TGFBR3: variants seen among roughly 807,000 people sequenced by gnomAD.
The protein encoded by TGFBR3 is transforming growth factor beta receptor type 3.
TGFBR3 carries 46 observed loss-of-function variants against 87.9 expected under a neutral mutation model. That is an observed-to-expected ratio of 0.52 (90% confidence interval 0.41 to 0.67). The LOEUF (loss-of-function observed/expected upper bound fraction) is 0.67, where lower values mean the gene tolerates loss of function less well. TGFBR3 is among the 30% of genes least tolerant of loss of function. TGFBR3 has a pLI of 0.00. For missense variants in TGFBR3, 866 were observed against 1,041.9 expected (o/e 0.83, Z 2.32); for synonymous variants, 381 against 391.6 (o/e 0.97, Z 0.32).
rs774969767 is a variant in TGFBR3, at chr1:91,720,004, C to A, written c.1302G>T (p.Leu434=). 1 of 1,614,180 alleles carries A rather than the reference C, an allele frequency of 6.2e-7. No homozygotes were observed. The highest frequency in any genetic ancestry group is 8.5e-7 in the Non-Finnish European group (1 of 1,180,030). ...PKDPVIPSIQ[L]FPGLREPEEV... is the part of the protein sequence containing the mutation. ...CTTCTGGCTCTCTGAGACCAGGAAA[C>A]AGTTGTATGCTGGGAATGACAGGGT... Residue 434 remains leucine, a synonymous_variant, in exon 9 of 17, where the codon CTG becomes CTT. Coordinates refer to ENST00000212355, the MANE Select transcript of TGFBR3 (RefSeq NM_003243.5).
At position 91,683,045 on chromosome 1, in the gene TGFBR3, A is replaced by G. The variant is rs1472418837; in HGVS notation, c.*694T>C. On this transcript the variant is annotated 3_prime_UTR_variant, in exon 17 of 17. Transcript: ENST00000212355. ...GCATTAAGACATTTTGCAGTGGTGT[A>G]TGCAAGTATGGGAAGAAACAGGAAG... 1 of 454,556 alleles carries G rather than the reference A, an allele frequency of 2.2e-6. No homozygotes were observed. The highest frequency in any genetic ancestry group is 4.4e-6 in the Non-Finnish European group (1 of 226,790). The allele number at this position is 454,556 out of a possible 1,614,324, so 28.2% of individuals were successfully genotyped here.
intron 14 of TGFBR3, among the ~76,000 whole-genome samples, chr1:91,707,497 C>A (rs1474215061): frequency 1.3e-5 from 2 of 152,186 alleles, no homozygotes; most frequent in South Asian, 2.1e-4. Context: ...CCAACATGCT[C>A]AGATCAGGAA....
At chr1:91,778,803 A>T (rs1452853487) in intron 3 of TGFBR3, among the ~76,000 whole-genome samples, 1 of 152,240 alleles carries the variant, frequency 6.6e-6, no homozygotes, top group Non-Finnish European at 1.5e-5. Context: ...GAACATATTT[A>T]AAAATAAATA....
chr1:91,841,467 A>G (rs1677275953), intron 2 of TGFBR3, among the ~76,000 whole-genome samples: 1 of 152,116 alleles, frequency 6.6e-6, no homozygotes, highest in South Asian at 2.1e-4. Flanking sequence ...CTCTTATACA[A>G]TTAGAGCAGT....
chr1:91,902,592 T>A (rs1679750162), intron 1 of TGFBR3, among the ~76,000 whole-genome samples: 1 of 151,968 alleles, frequency 6.6e-6, no homozygotes, highest in Non-Finnish European at 1.5e-5. Context: ...CAAGTGCAGT[T>A]TATTTTTTTT....
At position 91,758,533 on chromosome 1, in the gene TGFBR3, T is replaced by G. The variant is rs1007479649; in HGVS notation, c.384+80A>C. ...GGCATTATTTCAGTGAAAGTAAGCC[T>G]TTATGAAAAGTTTGGCAAAGTTTAA... is the stretch of plus-strand genomic sequence containing the variant. On this transcript the variant is annotated intron_variant, in intron 4 of 16. Transcript: ENST00000212355. The G allele has an allele frequency of 2.9e-5, 44 of 1,527,732 alleles. 1 individual carries two copies. The Admixed American group carries it at 7.0e-4, about 24-fold the overall frequency. The allele number at this position is 1,527,732 out of a possible 1,614,324, so 94.6% of individuals were successfully genotyped here.
At chr1:91,892,460 A>G (rs1237701562) in intron 2 of TGFBR3, among the ~76,000 whole-genome samples, 5 of 152,214 alleles carry the variant, frequency 3.3e-5, no homozygotes, top group Non-Finnish European at 5.9e-5. Flanking sequence ...GCTCAGGGGG[A>G]CAAAAAAAGA....
At chr1:91,759,766 G>A (rs528582865) in intron 3 of TGFBR3, among the ~76,000 whole-genome samples, 1 of 152,300 alleles carries the variant, frequency 6.6e-6, no homozygotes, top group African/African-American at 2.4e-5. Flanking sequence ...AAGGACTTAG[G>A]CTAGAAAGAC....
intron 4 of TGFBR3, among the ~76,000 whole-genome samples, chr1:91,737,682 G>A (rs1335146572): frequency 1.3e-5 from 2 of 152,200 alleles, no homozygotes; most frequent in African/African-American, 2.4e-5. Context: ...GACTTCAGGT[G>A]TTTAAAGGTG....
intron 4 of TGFBR3, among the ~76,000 whole-genome samples, chr1:91,740,368 A>AT (rs780530073): frequency 1.7e-3 from 227 of 133,450 alleles, no homozygotes; most frequent in Non-Finnish European, 1.6e-3. Context: ...TGGGATTACA[A>AT]TTTTTTTTTT....
intron 1 of TGFBR3, among the ~76,000 whole-genome samples, chr1:91,902,908 G>A (rs532978971): frequency 6.6e-6 from 1 of 151,914 alleles, no homozygotes; most frequent in African/African-American, 2.4e-5. Context: ...CTGCAATGCT[G>A]AGGATCTCAT....
At chr1:91,819,108 G>A (rs995428344) in intron 2 of TGFBR3, among the ~76,000 whole-genome samples, 2 of 152,096 alleles carry the variant, frequency 1.3e-5, no homozygotes, top group African/African-American at 2.4e-5. Context: ...GGTGGTTCAT[G>A]CCTGTAATCC....
intron 4 of TGFBR3, among the ~76,000 whole-genome samples, chr1:91,756,024 C>T (rs547458992): frequency 6.6e-6 from 1 of 152,324 alleles, no homozygotes; most frequent in African/African-American, 2.4e-5. Flanking sequence ...GATAACAGCC[C>T]TATGATGCAG....
intron 3 of TGFBR3, among the ~76,000 whole-genome samples, chr1:91,796,785 C>T (rs284139): frequency 0.67 from 102,243 of 152,088 alleles, 34,583 homozygotes; most frequent in East Asian, 0.79. Flanking sequence ...ATGGCAATCA[C>T]GGCTCACTCC....
At chr1:91,796,880 C>A (rs895192195) in intron 3 of TGFBR3, among the ~76,000 whole-genome samples, 13 of 151,692 alleles carry the variant, frequency 8.6e-5, no homozygotes, top group African/African-American at 2.9e-4. Flanking sequence ...CCACACCCTG[C>A]TAATTTTTTT....
At chr1:91,836,918 T>C (rs1334378580) in intron 2 of TGFBR3, among the ~76,000 whole-genome samples, 3 of 152,190 alleles carry the variant, frequency 2.0e-5, no homozygotes, top group Admixed American at 6.5e-5. Flanking sequence ...CAGTTTCCAT[T>C]ACTAAATTCA....
Position 91,716,262 on chromosome 1 carries a change from G to A in TGFBR3, c.1840C>T (p.Pro614Ser). ...TCAACATAAACGTGTCCATTCTCTG[G>A]CACAGAGAAGACGCCCTGGGAGGGC... ...LVPSQGVFSVPENGHVYVEVS... is the reference protein window; with the variant it reads ...LVPSQGVFSVSENGHVYVEVS... Residue 614 changes from proline to serine, a missense_variant, in exon 12 of 17, where the codon CCA (proline) becomes TCA (serine). Physicochemically the swap from Pro to Ser is moderately conservative, Grantham distance 74 (BLOSUM62 -1). Transcript: ENST00000212355. 1 of 1,614,100 alleles carries A rather than the reference G, an allele frequency of 6.2e-7. No individual in the cohort carries two copies. The highest frequency in any genetic ancestry group is 8.5e-7 in the Non-Finnish European group (1 of 1,180,008).
chr1:91,837,544 A>G (rs1677108128), intron 2 of TGFBR3, among the ~76,000 whole-genome samples: 1 of 152,074 alleles, frequency 6.6e-6, no homozygotes, highest in Non-Finnish European at 1.5e-5. Flanking sequence ...CCGGCTGGTA[A>G]GTAAGGATAT....
At chr1:91,863,836 C>G (rs1308131082) in intron 1 of TGFBR3, 1 of 152,200 alleles carries the variant, frequency 6.6e-6, no homozygotes, top group African/African-American at 2.4e-5. Context: ...TATTATCCCT[C>G]TAAGTCGAAC....
Sources: gnomAD v4.1 joint callset for allele counts (sites outside exome capture counted in the v4.1 genomes callset) on GRCh38, gnomAD v4.1.1 for gene constraint, MANE v1.5 for transcripts, NCBI Gene and HGNC (gene_info 2026-07-23, HGNC 2026-07-21) for gene names.